MAEA: variants seen among roughly 807,000 people sequenced by gnomAD.
MAEA encodes macrophage erythroblast attacher, E3 ubiquitin ligase.
In MAEA, 22 loss-of-function variants were observed where a neutral mutation model predicts 46.2. That is an observed-to-expected ratio of 0.48 (90% CI 0.34 to 0.68). The LOEUF is 0.68. MAEA is among the 30% of genes least tolerant of loss of function. MAEA has a pLI of 0.01. For missense variants in MAEA, 393 were observed against 558.1 expected, an observed-to-expected ratio of 0.70 and a Z score of 2.98; for synonymous variants, 246 against 222.6, an observed-to-expected ratio of 1.11 and a Z score of -0.94.
rs1403529115 is a variant in MAEA, at chr4:1,309,772, G to T, written c.70-2207G>T. The T allele has an allele frequency of 6.1e-6, 9 of 1,464,184 alleles. No homozygotes were observed. In the East Asian group the frequency reaches 7.6e-5, roughly 12 times the overall value. The allele number at this position is 1,464,184 out of a possible 1,614,324, so 90.7% of individuals were successfully genotyped here. ...TCTGCGTAACCGTGGCGCGTTCTGG[G>T]CAGGGCCTTTTCCCTTGCACTGGGA... On this transcript the variant is annotated intron_variant, in intron 1 of 8. Transcript: ENST00000303400.
At chr4:1,324,870 C>T (rs979282939) in intron 4 of MAEA, among the ~76,000 whole-genome samples, 47 of 138,960 alleles carry the variant, frequency 3.4e-4, no homozygotes, top group African/African-American at 1.0e-3. Flanking sequence ...ATTGGATGAG[C>T]GTGCCTGGTG....
At chr4:1,316,263 C>T (rs1392998198) in intron 3 of MAEA, among the ~76,000 whole-genome samples, 1 of 152,198 alleles carries the variant, frequency 6.6e-6, no homozygotes, top group Non-Finnish European at 1.5e-5. Context: ...CGGTGCTGCC[C>T]TCTGGCACCT....
In MAEA at chr4:1,328,648, G is replaced by C. The variant is rs537073395; in HGVS notation, c.656+945G>C. 5.1e-5 allele frequency: 65 copies of C among 1,275,386 alleles called. No homozygotes were observed. In the East Asian group the frequency reaches 3.5e-3, roughly 69 times the overall value. 79.0% of individuals were successfully genotyped at this position (1,275,386 alleles called of 1,614,324 possible). A position where few individuals can be genotyped will look rare whatever the true frequency, so the allele number is the denominator to read the frequency against. On this transcript the variant is annotated intron_variant, in intron 5 of 8. Transcript: ENST00000303400. The stretch of plus-strand genomic sequence containing the variant: ...TCCACCTGCAGTGGGCCGGGTGGCC[G>C]AGTGTTCCACAGAAGGCCCATTTGG...
At chr4:1,316,189 G>A (rs1057211639) in intron 3 of MAEA, among the ~76,000 whole-genome samples, 1 of 152,118 alleles carries the variant, frequency 6.6e-6, no homozygotes, top group Non-Finnish European at 1.5e-5. Context: ...CGTGTTTTCT[G>A]TGGCACCCTG....
chr4:1,317,367 C>G (rs1387453963), intron 3 of MAEA, among the ~76,000 whole-genome samples: 1 of 143,124 alleles, frequency 7.0e-6, no homozygotes, highest in Non-Finnish European at 1.5e-5. Flanking sequence ...ACACTCCGGA[C>G]TCATCTGCAG....
intron 1 of MAEA, among the ~76,000 whole-genome samples, chr4:1,297,536 T>G (rs1734866828): frequency 6.6e-6 from 1 of 151,374 alleles, no homozygotes; most frequent in African/African-American, 2.5e-5. Context: ...TAAATAAAAT[T>G]AGGATGTGGT....
intron 1 of MAEA, among the ~76,000 whole-genome samples, chr4:1,300,979 A>ACTGGC (rs923424118): frequency 6.6e-6 from 1 of 152,180 alleles, no homozygotes; most frequent in Non-Finnish European, 1.5e-5. Context: ...AGAACATGAG[A>ACTGGC]CTGGCCCCTC....
intron 5 of MAEA, chr4:1,330,530 T>TAATGTTTGTATTTTTAGTAGAGATG (rs1174058773): frequency 1.3e-5 from 2 of 151,468 alleles, no homozygotes; most frequent in African/African-American, 4.9e-5. Context: ...TTGGCCAGGC[T>TAATGTTTGTATTTTTAGTAGAGATG]GGTCTCAAAC....
chr4:1,318,962 C>T (rs1336363859), intron 3 of MAEA, among the ~76,000 whole-genome samples: 6 of 114,694 alleles, frequency 5.2e-5, no homozygotes, highest in African/African-American at 2.3e-4. Context: ...CCAGGGAAGG[C>T]CACACAGGAA....
At chr4:1,320,117 C>T (rs896394068) in intron 3 of MAEA, among the ~76,000 whole-genome samples, 6 of 139,696 alleles carry the variant, frequency 4.3e-5, no homozygotes, top group Admixed American at 1.5e-4. Flanking sequence ...TGCAAGAAAA[C>T]GCTATGAAGG....
chr4:1,292,948 C>T (rs190086364), intron 1 of MAEA, among the ~76,000 whole-genome samples: 8 of 148,592 alleles, frequency 5.4e-5, no homozygotes, highest in Admixed American at 1.4e-4. Flanking sequence ...GGCTGGAGCG[C>T]GGTGGCACAA....
intron 3 of MAEA, among the ~76,000 whole-genome samples, chr4:1,320,031 G>C (rs1226044679): frequency 7.3e-6 from 1 of 137,822 alleles, no homozygotes; most frequent in African/African-American, 2.8e-5. Context: ...AGGGGCTCCA[G>C]AAAAGAAATC....
In MAEA at chr4:1,300,652, C is replaced by T. The variant is rs886217481; in HGVS notation, c.69+10670C>T. Among the ~76,000 whole-genome samples, 5 of 152,376 alleles carry T rather than the reference C, an allele frequency of 3.3e-5. No homozygotes were observed. In the East Asian group the frequency reaches 9.6e-4, roughly 29 times the overall value. On this transcript the variant is annotated intron_variant, in intron 1 of 8. Coordinates refer to ENST00000303400, the MANE Select transcript of MAEA (RefSeq NM_001017405.3). ...GTGCCGCTGCCGCAGGTCGCATACC[C>T]TTTCCAAGACGGACCAGTGGCTTTA... is the stretch of plus-strand genomic sequence containing the variant.
chr4:1,326,398 C>T (rs961970239), intron 4 of MAEA, among the ~76,000 whole-genome samples: 17 of 152,216 alleles, frequency 1.1e-4, no homozygotes, highest in Non-Finnish European at 4.4e-5. Flanking sequence ...TGAAACCACA[C>T]GGAAGATCTT....
At chr4:1,300,859 T>G (rs1018954060) in intron 1 of MAEA, among the ~76,000 whole-genome samples, 1 of 152,172 alleles carries the variant, frequency 6.6e-6, no homozygotes, top group Non-Finnish European at 1.5e-5. Flanking sequence ...AGAAGCCTCT[T>G]AGGGGATTCG....
chr4:1,329,549 C>G (rs1336794873), intron 5 of MAEA: 38 of 985,182 alleles, frequency 3.9e-5, no homozygotes, highest in Non-Finnish European at 4.2e-5. Flanking sequence ...AAACAACACC[C>G]CAGTGTCTCG....
intron 4 of MAEA, among the ~76,000 whole-genome samples, chr4:1,326,462 C>T (rs1738828804): frequency 6.6e-6 from 1 of 152,212 alleles, no homozygotes; most frequent in African/African-American, 2.4e-5. Context: ...TCTTGGATGA[C>T]TGCGGTCAAT....
At chr4:1,309,478 G>C in intron 1 of MAEA, 1 of 1,322,078 alleles carries the variant, frequency 7.6e-7, no homozygotes, top group Non-Finnish European at 9.7e-7. Flanking sequence ...ATGTGGGGAG[G>C]AGCTGCTGTC....
chr4:1,317,673 G>A (rs1228928014), intron 3 of MAEA, among the ~76,000 whole-genome samples: 1 of 152,184 alleles, frequency 6.6e-6, no homozygotes, highest in East Asian at 1.9e-4. Flanking sequence ...GCACAGCACT[G>A]TTGCTCTCGG....
Sources: gnomAD v4.1 joint callset for allele counts (sites outside exome capture counted in the v4.1 genomes callset) on GRCh38, gnomAD v4.1.1 for gene constraint, MANE v1.5 for transcripts, NCBI Gene and HGNC (gene_info 2026-07-23, HGNC 2026-07-21) for gene names.